The following DISP1 variants were observed in gnomAD, a reference collection of about 807,000 sequenced individuals.
DISP1 encodes the protein protein dispatched homolog 1.
In DISP1, 30 loss-of-function variants were observed where a neutral mutation model predicts 37.3. The ratio of observed to expected loss-of-function variants is 0.80; its 90% confidence interval spans 0.60 to 1.09. DISP1 has a LOEUF of 1.09. Among genes scored for constraint, DISP1 ranks in the 50% least tolerant of loss-of-function variants. DISP1 has a pLI of 0.00. For missense variants in DISP1, 1,598 were observed against 1,879.5 expected (o/e 0.85, Z 2.77); for synonymous variants, 634 against 690.2 (o/e 0.92, Z 1.28).
chr1:222,883,128 G>A (rs888539427), intron 1 of DISP1, among the ~76,000 whole-genome samples: 3 of 152,050 alleles, frequency 2.0e-5, no homozygotes, highest in African/African-American at 7.2e-5. Context: ...ATTTGTCTGG[G>A]TGTAGGATTT....
Position 223,003,976 on chromosome 1 carries a change from T to C in DISP1, c.2579T>C (p.Met860Thr). The change falls in exon 9 of 9, where the codon ATG (methionine) becomes ACG (threonine). Residue 860 changes from methionine (M) to threonine (T), a missense_variant. Met to Thr is a moderately conservative substitution (Grantham distance 81, BLOSUM62 -1). Coordinates refer to ENST00000675850, the MANE Select transcript of DISP1 (RefSeq NM_001377229.1). This position sits in a 1 kb window ranked among gnomAD's most constrained non-coding sequence, Gnocchi z 4.3. ...SCFIETFKQW[M>T]ENQDCDEPAL... ...TTCATTGAGACATTCAAACAGTGGA[T>C]GGAAAACCAGGACTGTGATGAGCCT... The C allele has an allele frequency of 6.2e-7, 1 of 1,614,142 alleles. No homozygotes were observed. The highest frequency in any genetic ancestry group is 8.5e-7 in the Non-Finnish European group (1 of 1,180,034).
intron 2 of DISP1, among the ~76,000 whole-genome samples, chr1:222,932,339 C>T (rs1157053065): frequency 1.3e-5 from 2 of 151,854 alleles, no homozygotes; most frequent in African/African-American, 4.8e-5. Flanking sequence ...TTTAGTATTA[C>T]CAAAGTGATT....
chr1:222,879,273 C>T (rs901426104), intron 1 of DISP1, among the ~76,000 whole-genome samples: 5 of 152,120 alleles, frequency 3.3e-5, no homozygotes, highest in Non-Finnish European at 7.4e-5. Flanking sequence ...TTTTCCATTT[C>T]CTTTGCCACA....
At chr1:222,950,115 A>G (rs1169719155) in intron 3 of DISP1, among the ~76,000 whole-genome samples, 2 of 152,190 alleles carry the variant, frequency 1.3e-5, no homozygotes, top group African/African-American at 4.8e-5. Flanking sequence ...GAGAGGTGGG[A>G]AGGATCCCCT....
At chr1:222,880,508 A>G (rs1048908057) in intron 1 of DISP1, among the ~76,000 whole-genome samples, 7 of 152,206 alleles carry the variant, frequency 4.6e-5, no homozygotes, top group African/African-American at 1.7e-4. Context: ...AAAATAAAAT[A>G]ATGACATAAA....
At chr1:222,833,587 G>A (rs140450831) in intron 1 of DISP1, among the ~76,000 whole-genome samples, 1 of 152,176 alleles carries the variant, frequency 6.6e-6, no homozygotes, top group African/African-American at 2.4e-5. Flanking sequence ...GCTGTGCCTT[G>A]TTCTTTAGAT....
intron 4 of DISP1, among the ~76,000 whole-genome samples, chr1:222,986,674 G>GA (rs1177050957): frequency 6.6e-6 from 1 of 152,170 alleles, no homozygotes; most frequent in Non-Finnish European, 1.5e-5. Context: ...TGTAAAAGGA[G>GA]AATGAGCCCT....
At chr1:222,844,762 A>G (rs1268766332) in intron 1 of DISP1, among the ~76,000 whole-genome samples, 1 of 152,168 alleles carries the variant, frequency 6.6e-6, no homozygotes, top group East Asian at 1.9e-4. Context: ...AGGAAACAGA[A>G]TGGAACAATT....
In DISP1 at chr1:222,816,643, C is replaced by T. The variant is rs1661307385; in HGVS notation, c.-159+1565C>T. Among the ~76,000 whole-genome samples, 4 of 152,124 alleles carry T rather than the reference C, an allele frequency of 2.6e-5. No homozygotes were observed. In the South Asian group the frequency reaches 8.3e-4, roughly 32 times the overall value. Reference sequence around the variant, plus strand: ...TGCTAGCTTATAAATTCTTGATGGCCTTGAATATCTGTGCTTGAGTGAAAT... The same window carrying T: ...TGCTAGCTTATAAATTCTTGATGGCTTTGAATATCTGTGCTTGAGTGAAAT... On this transcript the variant is annotated intron_variant, in intron 1 of 8. Coordinates refer to ENST00000675850, the MANE Select transcript of DISP1 (RefSeq NM_001377229.1).
rs138904556 is a variant in DISP1, at chr1:223,004,049, G to T, written c.2652G>T (p.Glu884Asp). 6.2e-6 allele frequency: 10 copies of T among 1,614,168 alleles called. No homozygotes were observed. The highest frequency in any genetic ancestry group is 3.3e-5 in the Admixed American group (2 of 60,016). Residue 884 changes from glutamate to aspartate, a missense_variant, in exon 9 of 9, where the codon GAG becomes GAT. Glu to Asp is a conservative substitution (Grantham distance 45, BLOSUM62 2). Coordinates refer to ENST00000675850, the MANE Select transcript of DISP1 (RefSeq NM_001377229.1). The surrounding 1 kb of genome is among the most constrained non-coding windows in gnomAD (Gnocchi z 4.9). The stretch of plus-strand genomic sequence containing the variant: ...ACTGGAGCTTCCCCTACAAGCAAGA[G>T]ATTTTTGAACTGTGCATCAAGAGAG... Reference protein sequence around the residue: ...CSHWSFPYKQEIFELCIKRAI... With the variant: ...CSHWSFPYKQDIFELCIKRAI...
At chr1:222,833,683 G>T (rs1411456657) in intron 1 of DISP1, among the ~76,000 whole-genome samples, 1 of 152,136 alleles carries the variant, frequency 6.6e-6, no homozygotes, top group Non-Finnish European at 1.5e-5. Flanking sequence ...GAGTTATGAG[G>T]TGTTCATTTC....
At chr1:222,996,672 A>G (rs1679091688) in intron 8 of DISP1, among the ~76,000 whole-genome samples, 1 of 152,206 alleles carries the variant, frequency 6.6e-6, no homozygotes, top group African/African-American at 2.4e-5. Flanking sequence ...AGTGTTGTGA[A>G]TTAAATACTA....
Position 223,003,935 on chromosome 1 carries a change from G to A in DISP1, c.2538G>A (p.Gln846=). The stretch of plus-strand genomic sequence containing the variant: ...CATTCTTTTACCAGACTGATGAACA[G>A]GACTTCACCAGCTGCTTCATTGAGA... The part of the protein sequence containing the change: ...NQTFFYQTDE[Q]DFTSCFIETF... Residue 846 remains glutamine (Q), a synonymous_variant, in exon 9 of 9, where the codon CAG becomes CAA. Coordinates refer to ENST00000675850, the MANE Select transcript of DISP1 (RefSeq NM_001377229.1). This position sits in a 1 kb window ranked among gnomAD's most constrained non-coding sequence, Gnocchi z 4.3. 6.2e-7 allele frequency: 1 copy of A among 1,614,138 alleles called. No homozygotes were observed. Among genetic ancestry groups the A allele is most frequent in the Non-Finnish European group, 8.5e-7 (1 of 1,180,022 alleles).
At chr1:222,950,555 G>A (rs1393494243) in intron 3 of DISP1, among the ~76,000 whole-genome samples, 2 of 151,660 alleles carry the variant, frequency 1.3e-5, no homozygotes, top group African/African-American at 4.8e-5. Context: ...ATCTGAGATC[G>A]CACCACTGCA....
intron 3 of DISP1, among the ~76,000 whole-genome samples, chr1:222,972,587 A>C (rs1677042720): frequency 6.6e-6 from 1 of 152,172 alleles, no homozygotes; most frequent in Non-Finnish European, 1.5e-5. Flanking sequence ...CTTTGCTTAT[A>C]GGTATTGACA....
chr1:222,998,383 G>T (rs2789909), intron 8 of DISP1, among the ~76,000 whole-genome samples: 148,234 of 151,694 alleles, frequency 0.98, 72,509 homozygotes, highest in East Asian at 1. Flanking sequence ...ATTAGTATAA[G>T]ATCTCAGTGA....
chr1:222,908,475 G>A lies in DISP1; in HGVS notation c.-158-19955G>A, dbSNP rs374962552. On this transcript the variant is annotated intron_variant, in intron 1 of 8. Coordinates refer to ENST00000675850, the MANE Select transcript of DISP1 (RefSeq NM_001377229.1). ...GGCTGGAGTGCAGTGGTGCGATCTC[G>A]GCTCACTGCAACCTCTGCCTCCCGA... 4.3e-4 allele frequency among the ~76,000 whole-genome samples: 66 copies of A among 152,194 alleles called. 2 individuals carry two copies. In the South Asian group the frequency reaches 0.013, roughly 29 times the overall value.
intron 1 of DISP1, among the ~76,000 whole-genome samples, chr1:222,856,507 C>CA (rs1668553951): frequency 6.6e-6 from 1 of 151,758 alleles, no homozygotes; most frequent in South Asian, 2.1e-4. Flanking sequence ...TGATGATAAA[C>CA]AAAAAACAGT....
At chr1:222,939,250 C>G (rs1040912900) in intron 2 of DISP1, among the ~76,000 whole-genome samples, 1 of 151,906 alleles carries the variant, frequency 6.6e-6, no homozygotes, top group Non-Finnish European at 1.5e-5. Flanking sequence ...AGGTCCCCAG[C>G]TGGCATATAA....
Sources: allele counts gnomAD v4.1 joint callset (sites outside exome capture counted in the v4.1 genomes callset), GRCh38; gene constraint gnomAD v4.1.1; non-coding constraint Gnocchi (gnomAD v3.1); transcripts MANE v1.5; gene names NCBI Gene and HGNC (gene_info 2026-07-23, HGNC 2026-07-21).